FAM47E: variants seen among roughly 807,000 people sequenced by gnomAD.
FAM47E encodes the protein protein FAM47E.
A neutral mutation model predicts 41.6 loss-of-function variants in FAM47E; 32 were observed. That is an observed-to-expected ratio of 0.77 (90% CI 0.58 to 1.03). The LOEUF (loss-of-function observed/expected upper bound fraction) is 1.03, where lower values mean the gene tolerates loss of function less well. Ranked by LOEUF, FAM47E falls within the 50% of genes least tolerant of loss-of-function variation. The pLI, the probability that FAM47E is intolerant of heterozygous loss-of-function variation, is 0.00. For synonymous variants in FAM47E, 184 were observed against 188.7 expected, an observed-to-expected ratio of 0.98 and a Z score of 0.20; for missense variants, 424 against 485.4, an observed-to-expected ratio of 0.87 and a Z score of 1.19.
intron 2 of FAM47E, among the ~76,000 whole-genome samples, chr4:76,219,675 T>G (rs972462308): frequency 1.3e-5 from 2 of 152,064 alleles, no homozygotes; most frequent in Middle Eastern, 3.4e-3. Context: ...GCAGACTTTG[T>G]CAGCCTGGAG....
chr4:76,235,789 A>T (rs1454998116), intron 2 of FAM47E, among the ~76,000 whole-genome samples: 1 of 152,228 alleles, frequency 6.6e-6, no homozygotes, highest in Admixed American at 6.5e-5. Flanking sequence ...TGTAACGCTA[A>T]TATTTACTGG....
intron 2 of FAM47E, among the ~76,000 whole-genome samples, chr4:76,260,254 G>A (rs527299312): frequency 8.5e-5 from 13 of 152,078 alleles, no homozygotes; most frequent in South Asian, 4.2e-4. Context: ...CTGATTAGCC[G>A]AAGTAATCCT....
upstream of FAM47E, among the ~76,000 whole-genome samples, chr4:76,248,151 T>G (rs1733872029): frequency 1.3e-5 from 2 of 151,998 alleles, no homozygotes; most frequent in African/African-American, 4.8e-5. Context: ...CCTGACATCG[T>G]GATCCGCCCA....
intron 7 of FAM47E, 123 bp downstream of exon 7, chr4:76,280,464 G>A: frequency 5.7e-6 from 3 of 530,312 alleles, no homozygotes; most frequent in South Asian, 3.1e-5. Context: ...ACCAAGACAG[G>A]CCCCTGGAAG....
chr4:76,257,167 G>C (rs890914401), intron 2 of FAM47E, among the ~76,000 whole-genome samples: 1 of 152,136 alleles, frequency 6.6e-6, no homozygotes, highest in Non-Finnish European at 1.5e-5. Flanking sequence ...AAAGGTTAAA[G>C]GGTGCATGCC....
chr4:76,253,405 T>C (rs1734054217), intron 1 of FAM47E, among the ~76,000 whole-genome samples: 1 of 152,226 alleles, frequency 6.6e-6, no homozygotes, highest in Admixed American at 6.5e-5. Flanking sequence ...CGGTATCCTT[T>C]TGCAATTCTT....
chr4:76,220,368 TGTAATACCA>T (rs1733287115), intron 2 of FAM47E, among the ~76,000 whole-genome samples: 1 of 152,218 alleles, frequency 6.6e-6, no homozygotes, highest in African/African-American at 2.4e-5. Context: ...GGCTCATACC[TGTAATACCA>T]GTATTTTGGG....
At chr4:76,222,629 G>T (rs1284365864) in intron 2 of FAM47E, among the ~76,000 whole-genome samples, 2 of 152,132 alleles carry the variant, frequency 1.3e-5, no homozygotes, top group East Asian at 1.9e-4. Context: ...GGAGGGTTTT[G>T]GTCCTTCACA....
intron 2 of FAM47E, among the ~76,000 whole-genome samples, chr4:76,259,268 A>G (rs1560744048): frequency 1.3e-5 from 2 of 152,238 alleles, no homozygotes; most frequent in South Asian, 4.1e-4. Flanking sequence ...TGAACCAGAC[A>G]TTTGCTGATA....
At chr4:76,238,815 G>T (rs1733641754) in intron 2 of FAM47E, among the ~76,000 whole-genome samples, 1 of 152,164 alleles carries the variant, frequency 6.6e-6, no homozygotes, top group South Asian at 2.1e-4. Flanking sequence ...CAGTAGAGTG[G>T]CATTAAGTAC....
chr4:76,256,208 GT>G lies in FAM47E; in HGVS notation c.107del (p.Phe36SerfsTer31). The G allele has an allele frequency of 6.4e-7, 1 of 1,551,620 alleles. No homozygotes were observed. The highest frequency in any genetic ancestry group is 8.7e-7 in the Non-Finnish European group (1 of 1,146,966). ...CFTKHKNGLK[F>X]PTSLHSRQLV... The stretch of plus-strand genomic sequence containing the variant: ...TCACAAAGCACAAGAACGGGCTGAA[GT>G]TCCCCACCTCTCTGCACAGCCGGCA... On this transcript the variant is annotated frameshift_variant, in exon 2 of 8. Transcript: ENST00000424749. LOFTEE classifies it high-confidence loss of function.
chr4:76,219,785 C>T (rs772254666), intron 2 of FAM47E, among the ~76,000 whole-genome samples: 2 of 151,994 alleles, frequency 1.3e-5, no homozygotes, highest in African/African-American at 4.8e-5. Flanking sequence ...AAATAAGCCC[C>T]GCCCCTCACC....
At chr4:76,277,442 T>C (rs963982141) in intron 5 of FAM47E, among the ~76,000 whole-genome samples, 21 of 150,456 alleles carry the variant, frequency 1.4e-4, no homozygotes, top group Non-Finnish European at 2.8e-4. Flanking sequence ...GCCGAGATCG[T>C]GCCACTCACT....
chr4:76,248,031 C>T (rs1446068744), upstream of FAM47E, among the ~76,000 whole-genome samples: 2 of 150,294 alleles, frequency 1.3e-5, no homozygotes, highest in South Asian at 4.2e-4. Context: ...TCTCCTGCCT[C>T]AGCCTCCCAA....
At chr4:76,251,906 C>T (rs1733980144) in intron 1 of FAM47E, 86 bp downstream of exon 1, 4 of 1,345,834 alleles carry the variant, frequency 3.0e-6, no homozygotes, top group Non-Finnish European at 3.8e-6. Flanking sequence ...GGGGCGGGGG[C>T]GAGGGGAGAG....
Position 76,271,689 on chromosome 4 carries a change from G to T in FAM47E, c.791G>T (p.Arg264Leu). The T allele has an allele frequency of 1.3e-6, 2 of 1,551,914 alleles. No homozygotes were observed. Among genetic ancestry groups the T allele is most frequent in the African/African-American group, 1.4e-5 (1 of 73,144 alleles). The change falls in exon 5 of 8, where the codon CGT becomes CTT. Residue 264 changes from arginine to leucine, a missense_variant. Coordinates refer to ENST00000424749, the MANE Select transcript of FAM47E (RefSeq NM_001136570.3). ...AATCAGGTTCCTCTGGAGCTAAAGC[G>T]TAGTGTGGGGCTCAGTAAACTGCAG... ...KLNQVPLELK[R>L]SVGLSKLQET...
chr4:76,227,912 C>T (rs957283218), intron 2 of FAM47E, among the ~76,000 whole-genome samples: 3 of 152,082 alleles, frequency 2.0e-5, no homozygotes, highest in African/African-American at 2.4e-5. Context: ...ATTAAGTTTA[C>T]GTGATTTCTT....
At chr4:76,254,389 A>G (rs114645222) in intron 1 of FAM47E, among the ~76,000 whole-genome samples, 3,026 of 152,294 alleles carry the variant, frequency 0.02, 76 homozygotes, top group Middle Eastern at 0.054. Context: ...CTTACTAATA[A>G]GTAATGCTGA....
At chr4:76,242,534 C>G (rs906150698) in intron 2 of FAM47E, among the ~76,000 whole-genome samples, 2 of 152,204 alleles carry the variant, frequency 1.3e-5, no homozygotes, top group Non-Finnish European at 2.9e-5. Context: ...TGACCTAATA[C>G]ACCTAAGGAA....
Sources: gnomAD v4.1 joint callset for allele counts (sites outside exome capture counted in the v4.1 genomes callset) on GRCh38, gnomAD v4.1.1 for gene constraint, MANE v1.5 for transcripts, NCBI Gene and HGNC (gene_info 2026-07-23, HGNC 2026-07-21) for gene names.